Variants in PHLPP1 observed in about 807,000 individuals in gnomAD.
PHLPP1 encodes PH domain and leucine rich repeat protein phosphatase 1.
PHLPP1 carries 42 observed loss-of-function variants against 117.2 expected under a neutral mutation model. The ratio of observed to expected loss-of-function variants is 0.36; its 90% CI spans 0.28 to 0.46. The LOEUF (loss-of-function observed/expected upper bound fraction) is 0.46. PHLPP1 is among the 20% of genes least tolerant of loss of function. The pLI, the probability that PHLPP1 is intolerant of heterozygous loss-of-function variation, is 1.00. For missense variants in PHLPP1, 2,084 were observed against 2,241.9 expected (o/e 0.93, Z 1.42); for synonymous variants, 1,042 against 970.7 (o/e 1.07, Z -1.37).
intron 7 of PHLPP1, among the ~76,000 whole-genome samples, chr18:62,903,790 A>G (rs1392597457): frequency 2.6e-5 from 4 of 151,950 alleles, no homozygotes; most frequent in Non-Finnish European, 5.9e-5. Context: ...AAAAGACAAG[A>G]AAAGATAATT....
At chr18:62,845,994 C>T (rs1307707629) in intron 3 of PHLPP1, among the ~76,000 whole-genome samples, 1 of 151,946 alleles carries the variant, frequency 6.6e-6, no homozygotes, top group Non-Finnish European at 1.5e-5. Context: ...GGTCAATCAC[C>T]TGAGTTCAAG....
chr18:62,716,007 C>G lies in PHLPP1; in HGVS notation c.324C>G (p.Pro108=), dbSNP rs1910714875. The change falls in exon 1 of 17, where the codon CCC becomes CCG. Residue 108 remains proline, a synonymous_variant. Transcript: ENST00000262719. The surrounding 1 kb of genome is among the most constrained non-coding windows in gnomAD (Gnocchi z 5.7). ...APQPIAGGAA[P]VPGAGGGANS... The stretch of plus-strand genomic sequence containing the variant: ...AGCCCATTGCCGGCGGGGCTGCCCC[C>G]GTACCCGGGGCCGGCGGCGGCGCCA... 1.4e-5 allele frequency: 19 copies of G among 1,381,026 alleles called. No homozygotes were observed. The highest frequency in any genetic ancestry group is 3.1e-5 in the East Asian group (1 of 32,590). 85.5% of individuals were successfully genotyped at this position (1,381,026 alleles called of 1,614,324 possible). A position where few individuals can be genotyped will look rare whatever the true frequency, so the allele number is the denominator to read the frequency against.
At chr18:62,798,480 A>G (rs1370545654) in intron 1 of PHLPP1, among the ~76,000 whole-genome samples, 3 of 152,202 alleles carry the variant, frequency 2.0e-5, no homozygotes, top group Non-Finnish European at 2.9e-5. Flanking sequence ...GAGATAGTTT[A>G]CGGGAGTTGA....
At chr18:62,849,276 C>T (rs558674307) in intron 3 of PHLPP1, among the ~76,000 whole-genome samples, 7 of 152,160 alleles carry the variant, frequency 4.6e-5, no homozygotes, top group South Asian at 2.1e-4. Flanking sequence ...AGGAATTTAG[C>T]GTATATGATT....
intron 4 of PHLPP1, among the ~76,000 whole-genome samples, chr18:62,882,882 A>G (rs1423440340): frequency 2.0e-5 from 3 of 151,510 alleles, no homozygotes; most frequent in Non-Finnish European, 2.9e-5. Flanking sequence ...TTTAAATTGA[A>G]TGGATAAGGT....
chr18:62,893,957 C>CAGCATGTG, intron 4 of PHLPP1, among the ~76,000 whole-genome samples: 1 of 152,062 alleles, frequency 6.6e-6, no homozygotes. Context: ...GGAGAGGAGC[C>CAGCATGTG]AGCATGTGAT....
chr18:62,838,268 T>C (rs1380858111), intron 2 of PHLPP1: 1 of 152,236 alleles, frequency 6.6e-6, no homozygotes, highest in Non-Finnish European at 1.5e-5. Flanking sequence ...GGTGTGTATT[T>C]TTCCCCTTGT....
intron 10 of PHLPP1, among the ~76,000 whole-genome samples, chr18:62,920,463 C>G (rs1353322337): frequency 6.6e-6 from 1 of 152,226 alleles, no homozygotes. Context: ...TTATGATTCT[C>G]TGTTCCCGCT....
intron 1 of PHLPP1, among the ~76,000 whole-genome samples, chr18:62,750,509 A>G (rs2122085835): frequency 6.6e-6 from 1 of 152,322 alleles, no homozygotes; most frequent in South Asian, 2.1e-4. Flanking sequence ...ACAGTCTTCA[A>G]AACCCCGCAC....
chr18:62,779,263 T>G (rs1246802720), intron 1 of PHLPP1: 1 of 152,248 alleles, frequency 6.6e-6, no homozygotes, highest in Non-Finnish European at 1.5e-5. Context: ...TCAGATTTTT[T>G]TTTTTCTTCA....
At chr18:62,951,959 T>C (rs1910473653) in intron 12 of PHLPP1, among the ~76,000 whole-genome samples, 1 of 151,764 alleles carries the variant, frequency 6.6e-6, no homozygotes, top group African/African-American at 2.4e-5. Flanking sequence ...GGACTACAGG[T>C]GCCCACCACC....
chr18:62,949,953 T>C (rs1599137467), intron 12 of PHLPP1, among the ~76,000 whole-genome samples: 1 of 152,350 alleles, frequency 6.6e-6, no homozygotes, highest in Non-Finnish European at 1.5e-5. Context: ...TATTAGTTAA[T>C]AGTGACCTAT....
chr18:62,969,670 C>G (rs1301070490), intron 14 of PHLPP1, among the ~76,000 whole-genome samples: 1 of 152,180 alleles, frequency 6.6e-6, no homozygotes, highest in Non-Finnish European at 1.5e-5. Context: ...AGTATGTAAA[C>G]ATTTAGAATG....
chr18:62,774,872 T>C (rs568756684), intron 1 of PHLPP1, among the ~76,000 whole-genome samples: 1 of 150,366 alleles, frequency 6.7e-6, no homozygotes, highest in South Asian at 2.1e-4. Flanking sequence ...AAGCAAAAAA[T>C]AAAACCCTTC....
intron 6 of PHLPP1, among the ~76,000 whole-genome samples, chr18:62,897,797 A>G (rs1365909126): frequency 6.6e-6 from 1 of 152,144 alleles, no homozygotes; most frequent in Admixed American, 6.6e-5. Context: ...ATGAGCCACC[A>G]CACCCAGCCT....
chr18:62,932,615 C>G (rs993366451), intron 10 of PHLPP1, among the ~76,000 whole-genome samples: 2 of 152,078 alleles, frequency 1.3e-5, no homozygotes, highest in Admixed American at 6.6e-5. Flanking sequence ...CGGAATGTAC[C>G]TCAAAATAAT....
Position 62,822,284 on chromosome 18 carries a change from T to G in PHLPP1, c.1577-7751T>G, listed in dbSNP as rs1171770793. 2.4e-3 allele frequency among the ~76,000 whole-genome samples: 347 copies of G among 142,048 alleles called. 5 individuals carry two copies. The highest frequency in any genetic ancestry group is 7.0e-3 in the East Asian group (35 of 4,966). The allele number at this position is 142,048 out of a possible 152,430, so 93.2% of individuals were successfully genotyped here. A position where few individuals can be genotyped will look rare whatever the true frequency, so the allele number is the denominator to read the frequency against. ...AATAGTGTTTTTTTTTTTTTTGTTT[T>G]TGTTTTTTTTTTTTTGAGACAGAGT... On this transcript the variant is annotated intron_variant, in intron 1 of 16. Coordinates refer to ENST00000262719, the MANE Select transcript of PHLPP1 (RefSeq NM_194449.4).
intron 3 of PHLPP1, among the ~76,000 whole-genome samples, chr18:62,847,796 C>T (rs888491441): frequency 6.6e-6 from 1 of 152,208 alleles, no homozygotes; most frequent in African/African-American, 2.4e-5. Context: ...CCACCCATGT[C>T]CGTAGGCATT....
At chr18:62,802,087 G>T (rs1265294629) in intron 1 of PHLPP1, among the ~76,000 whole-genome samples, 1 of 152,088 alleles carries the variant, frequency 6.6e-6, no homozygotes, top group Non-Finnish European at 1.5e-5. Flanking sequence ...GCACCCAGAG[G>T]CAAAGAAGGG....
Sources: allele counts gnomAD v4.1 joint callset (sites outside exome capture counted in the v4.1 genomes callset), GRCh38; gene constraint gnomAD v4.1.1; non-coding constraint Gnocchi (gnomAD v3.1); transcripts MANE v1.5; gene names NCBI Gene and HGNC (gene_info 2026-07-23, HGNC 2026-07-21).